IFIT3: variants seen among roughly 807,000 people sequenced by gnomAD.
IFIT3 encodes the protein interferon induced protein with tetratricopeptide repeats 3, also known as interferon-induced protein with tetratricopeptide repeats 3.
A neutral mutation model predicts 2.4 loss-of-function variants in IFIT3; 2 were observed. That is an observed-to-expected ratio of 0.82 (90% CI 0.34 to 2.60). The LOEUF (loss-of-function observed/expected upper bound fraction) is 2.60. Ranked by LOEUF, IFIT3 falls within the 30% of genes most tolerant of loss-of-function variation. The pLI, the probability that IFIT3 is intolerant of heterozygous loss-of-function variation, is 0.11. For synonymous variants in IFIT3, 203 were observed against 212.1 expected, an observed-to-expected ratio of 0.96 and a Z score of 0.37; for missense variants, 481 against 562.4, an observed-to-expected ratio of 0.86 and a Z score of 1.46.
intron 1 of IFIT3, chr10:89,332,462 G>C: frequency 6.7e-7 from 1 of 1,486,366 alleles, no homozygotes; most frequent in Non-Finnish European, 9.0e-7. Flanking sequence ...GAGGGATCTT[G>C]ATAGGGTTCC....
chr10:89,335,171 A>C (rs1201070974), intron 1 of IFIT3, among the ~76,000 whole-genome samples: 4 of 152,180 alleles, frequency 2.6e-5, no homozygotes, highest in African/African-American at 9.7e-5. Flanking sequence ...AAATCAAGAG[A>C]ATCAAGGGAC....
At chr10:89,332,703 T>C in intron 1 of IFIT3, 2 of 1,434,982 alleles carry the variant, frequency 1.4e-6, no homozygotes, top group African/African-American at 2.8e-5. Flanking sequence ...ATTTCAGTGT[T>C]TGCTTAGAGA....
chr10:89,328,189 T>C (rs921399243), intron 1 of IFIT3, 111 bp downstream of exon 1: 3 of 1,081,212 alleles, frequency 2.8e-6, no homozygotes, highest in Non-Finnish European at 2.8e-6. Context: ...ATAGATTCAA[T>C]ATGTCTTTAT....
chr10:89,336,551 C>G (rs17119593), intron 1 of IFIT3, among the ~76,000 whole-genome samples: 9,427 of 152,250 alleles, frequency 0.062, 700 homozygotes, highest in African/African-American at 0.18. Context: ...GGCCAGTGCT[C>G]GTCCATGGTA....
intron 1 of IFIT3, among the ~76,000 whole-genome samples, chr10:89,330,797 A>T (rs1843642456): frequency 6.6e-6 from 1 of 152,190 alleles, no homozygotes; most frequent in Non-Finnish European, 1.5e-5. Flanking sequence ...AGCTCCATAA[A>T]TAAAGGGGAA....
In IFIT3 at chr10:89,339,352, G is replaced by T. The variant is rs765494934; in HGVS notation, c.697G>T (p.Ala233Ser). The T allele has an allele frequency of 1.9e-6, 3 of 1,613,594 alleles. No homozygotes were observed. Among genetic ancestry groups the T allele is most frequent in the Non-Finnish European group, 2.5e-6 (3 of 1,179,892 alleles). ...TGAAGGAGAGCAGTTTGTTGAAGAAGCCTTGGAAAAGTCTCCTTGCCAAAC... is the reference window on the plus strand; with the variant it reads ...TGAAGGAGAGCAGTTTGTTGAAGAATCCTTGGAAAAGTCTCCTTGCCAAAC... Reference protein sequence around the residue: ...EAEGEQFVEEALEKSPCQTDV... With the variant: ...EAEGEQFVEESLEKSPCQTDV... The change falls in exon 2 of 2, where the codon GCC becomes TCC. Residue 233 changes from alanine to serine, a missense_variant. Physicochemically the swap from Ala to Ser is moderately conservative, Grantham distance 99. Coordinates refer to ENST00000371818, the MANE Select transcript of IFIT3 (RefSeq NM_001549.6).
Position 89,339,792 on chromosome 10 carries a change from G to A in IFIT3, c.1137G>A (p.Val379=). 6.2e-7 allele frequency: 1 copy of A among 1,614,188 alleles called. No individual in the cohort carries two copies. The highest frequency in any genetic ancestry group is 1.1e-5 in the South Asian group (1 of 91,090). The part of the protein sequence containing the change: ...KYNGKSEDTA[V]QHGLEGLSIS... ...ATGGGAAGTCTGAAGACACTGCTGT[G>A]CAACATGGTTTAGAGGGTTTGTCCA... The change falls in exon 2 of 2, where the codon GTG becomes GTA. Residue 379 remains valine, a synonymous_variant. Coordinates refer to ENST00000371818, the MANE Select transcript of IFIT3 (RefSeq NM_001549.6).
chr10:89,334,060 G>T (rs1843691641), intron 1 of IFIT3, among the ~76,000 whole-genome samples: 1 of 152,186 alleles, frequency 6.6e-6, no homozygotes, highest in African/African-American at 2.4e-5. Flanking sequence ...ACATGCTGGG[G>T]ACAAGCTGCA....
At position 89,328,192 on chromosome 10, in the gene IFIT3, GT is replaced by G. The variant is rs1460808755; in HGVS notation, c.5+115del. On this transcript the variant is annotated intron_variant, in intron 1 of 1. Transcript: ENST00000371818. ...GTCCTGATGTTTATAGATTCAATAT[GT>G]CTTTATCAGTCTGAGCATTTGTAAG... The G allele has an allele frequency of 3.9e-6, 4 of 1,028,990 alleles. No individual in the cohort carries two copies. In the African/African-American group the frequency reaches 6.4e-5, roughly 16 times the overall value. 63.7% of individuals were successfully genotyped at this position (1,028,990 alleles called of 1,614,324 possible). A position where few individuals can be genotyped will look rare whatever the true frequency, so the allele number is the denominator to read the frequency against.
Position 89,339,247 on chromosome 10 carries a change from C to T in IFIT3, c.592C>T (p.Gln198Ter), listed in dbSNP as rs766537327. Reference sequence around the variant, plus strand: ...ACAGTTCTCTACTGATGTTTTGAAGCAGGCCATTGAGCTGAGTCCTGATAA... The same window carrying T: ...ACAGTTCTCTACTGATGTTTTGAAGTAGGCCATTGAGCTGAGTCCTGATAA... Reference protein sequence around the residue: ...EKQFSTDVLKQAIELSPDNQY... With the variant: ...EKQFSTDVLK Residue 198 changes from glutamine to a stop codon, truncating the protein, a stop_gained, in exon 2 of 2, where the codon CAG becomes TAG. Coordinates refer to ENST00000371818, the MANE Select transcript of IFIT3 (RefSeq NM_001549.6). LOFTEE classifies it low-confidence loss of function (END_TRUNC). The T allele has an allele frequency of 2.5e-5, 40 of 1,614,056 alleles. 1 individual carries two copies. In the East Asian group the frequency reaches 3.3e-4, roughly 13 times the overall value.
At chr10:89,336,419 C>T (rs1835020965) in intron 1 of IFIT3, among the ~76,000 whole-genome samples, 1 of 152,170 alleles carries the variant, frequency 6.6e-6, no homozygotes. Context: ...GTTGATTCTG[C>T]ATCTCTCACT....
chr10:89,328,230 G>T (rs1843617935), intron 1 of IFIT3, 152 bp downstream of exon 1: 2 of 832,052 alleles, frequency 2.4e-6, no homozygotes, highest in Non-Finnish European at 3.8e-6. Flanking sequence ...TGTTTGAGGG[G>T]TTTTTCCCTG....
chr10:89,329,081 AAG>A (rs1843625361), intron 1 of IFIT3, among the ~76,000 whole-genome samples: 1 of 152,148 alleles, frequency 6.6e-6, no homozygotes, highest in African/African-American at 2.4e-5. Context: ...AGGGAGAACT[AAG>A]AGAAAAGGAT....
chr10:89,338,471 G>T (rs1843783833), intron 1 of IFIT3, among the ~76,000 whole-genome samples, 190 bp from the exon 2 acceptor site: 1 of 152,172 alleles, frequency 6.6e-6, no homozygotes. Flanking sequence ...AGAGCAATCT[G>T]CTCTACTCAG....
chr10:89,332,110 AATC>A (rs1350264047), intron 1 of IFIT3, among the ~76,000 whole-genome samples: 192 of 152,296 alleles, frequency 1.3e-3, no homozygotes, highest in Non-Finnish European at 2.2e-3. Context: ...GCACGTCTGT[AATC>A]CCAGCTACTC....
At chr10:89,336,538 G>A (rs1032824280) in intron 1 of IFIT3, among the ~76,000 whole-genome samples, 2 of 152,216 alleles carry the variant, frequency 1.3e-5, no homozygotes, top group Admixed American at 6.5e-5. Context: ...GTAGCGGTGT[G>A]AGGGCCAGTG....
Position 89,340,500 on chromosome 10 carries a change from G to A in IFIT3, c.*372G>A, listed in dbSNP as rs12256980. 0.056 allele frequency: 8,136 copies of A among 145,308 alleles called. 635 individuals carry two copies. Among genetic ancestry groups the A allele is most frequent in the African/African-American group, 0.18 (6,877 of 37,610 alleles). The allele number at this position is 145,308 out of a possible 1,614,324, so 9.0% of individuals were successfully genotyped here. ...GTGAACCTGGAAGGAAGAGGTTGCA[G>A]TGAGCCAAGATTGCGCCCCTGCACT... On this transcript the variant is annotated 3_prime_UTR_variant, in exon 2 of 2. Coordinates refer to ENST00000371818, the MANE Select transcript of IFIT3 (RefSeq NM_001549.6).
At chr10:89,328,730 A>G (rs1019562689) in intron 1 of IFIT3, among the ~76,000 whole-genome samples, 2 of 152,214 alleles carry the variant, frequency 1.3e-5, no homozygotes, top group African/African-American at 4.8e-5. Context: ...GATGTAGTGA[A>G]TGCTGGTCAG....
intron 1 of IFIT3, among the ~76,000 whole-genome samples, chr10:89,333,244 T>A (rs1843677018): frequency 6.6e-6 from 1 of 152,176 alleles, no homozygotes; most frequent in Non-Finnish European, 1.5e-5. Context: ...CAAACTGTGT[T>A]CTGCGAGTGG....
Sources: allele counts gnomAD v4.1 joint callset (sites outside exome capture counted in the v4.1 genomes callset), GRCh38; gene constraint gnomAD v4.1.1; transcripts MANE v1.5; gene names NCBI Gene and HGNC (gene_info 2026-07-23, HGNC 2026-07-21).